The following GRM8 variants were observed in gnomAD, a reference collection of about 807,000 sequenced individuals.
The protein encoded by GRM8 is glutamate metabotropic receptor 8, also known as metabotropic glutamate receptor 8.
A neutral mutation model predicts 87.2 loss-of-function variants in GRM8; 47 were observed. The ratio of observed to expected loss-of-function variants is 0.54; its 90% CI spans 0.43 to 0.69. The LOEUF is 0.69. Ranked by LOEUF, GRM8 falls within the 30% of genes least tolerant of loss-of-function variation. The pLI, the probability that GRM8 is intolerant of heterozygous loss-of-function variation, is 0.00. For synonymous variants in GRM8, 396 were observed against 404.5 expected (o/e 0.98, Z 0.25); for missense variants, 1,019 against 1,139.2 (o/e 0.89, Z 1.52).
intron 6 of GRM8, among the ~76,000 whole-genome samples, chr7:126,829,589 T>C (rs1795154333): frequency 1.3e-5 from 2 of 151,866 alleles, no homozygotes; most frequent in South Asian, 4.2e-4. Flanking sequence ...TTTGAGCCTA[T>C]GTGTGTCACT....
intron 3 of GRM8, among the ~76,000 whole-genome samples, chr7:127,005,661 A>C (rs1009003512): frequency 6.6e-6 from 1 of 151,798 alleles, no homozygotes. Flanking sequence ...AGTTCACTGT[A>C]TACCTCTCCA....
intron 7 of GRM8, among the ~76,000 whole-genome samples, chr7:126,649,641 G>A (rs1803568872): frequency 6.6e-6 from 1 of 152,168 alleles, no homozygotes; most frequent in Non-Finnish European, 1.5e-5. Flanking sequence ...CTTCTAAGGT[G>A]AAGGATAAGT....
chr7:126,892,264 G>A (rs531844045), intron 6 of GRM8, among the ~76,000 whole-genome samples: 60 of 152,034 alleles, frequency 3.9e-4, no homozygotes, highest in Non-Finnish European at 6.9e-4. Flanking sequence ...TTTAGCATTA[G>A]GTATATCTCC....
At chr7:126,957,866 G>A (rs1808892843) in intron 3 of GRM8, among the ~76,000 whole-genome samples, 1 of 152,210 alleles carries the variant, frequency 6.6e-6, no homozygotes, top group Non-Finnish European at 1.5e-5. Flanking sequence ...CCGGGGGCAG[G>A]GCTGCCCATT....
intron 9 of GRM8, among the ~76,000 whole-genome samples, chr7:126,517,396 G>T (rs1812338551): frequency 6.6e-6 from 1 of 152,038 alleles, no homozygotes; most frequent in African/African-American, 2.4e-5. Context: ...GCTGAGCATT[G>T]TTTTTATCCC....
chr7:126,624,719 C>A (rs1271496830), intron 7 of GRM8, among the ~76,000 whole-genome samples: 1 of 68,510 alleles, frequency 1.5e-5, no homozygotes, highest in Non-Finnish European at 3.6e-5. Context: ...TAGGCATGGC[C>A]AAATTATTAG....
chr7:126,721,422 A>G (rs1475936736), intron 7 of GRM8, among the ~76,000 whole-genome samples: 1 of 152,192 alleles, frequency 6.6e-6, no homozygotes, highest in East Asian at 1.9e-4. Flanking sequence ...ATAATAATAC[A>G]TGCATCTAAA....
intron 9 of GRM8, among the ~76,000 whole-genome samples, chr7:126,515,856 C>T (rs906983576): frequency 2.0e-5 from 3 of 151,932 alleles, no homozygotes; most frequent in Admixed American, 6.6e-5. Flanking sequence ...ACTTTAATTC[C>T]TTTTTGACAT....
intron 3 of GRM8, among the ~76,000 whole-genome samples, chr7:126,973,733 T>C (rs1810670256): frequency 1.3e-5 from 2 of 152,210 alleles, no homozygotes; most frequent in South Asian, 2.1e-4. Context: ...GATACACCAT[T>C]ATTTTATGTA....
intron 7 of GRM8, among the ~76,000 whole-genome samples, chr7:126,703,804 C>T (rs914965257): frequency 5.3e-5 from 8 of 152,152 alleles, no homozygotes; most frequent in African/African-American, 1.7e-4. Context: ...TCAAGCAATC[C>T]TCCAGCCTTG....
chr7:127,127,866 CTTAAG>C (rs900137236), intron 2 of GRM8, among the ~76,000 whole-genome samples: 8 of 152,056 alleles, frequency 5.3e-5, no homozygotes, highest in Non-Finnish European at 1.0e-4. Flanking sequence ...ACAAGTCCTC[CTTAAG>C]TTATTTGAAA....
rs527846003 is a variant in GRM8 at position 127,215,458 on chromosome 7, G to A, written c.510+27237C>T. Among the ~76,000 whole-genome samples, 12 of 151,906 alleles carry A rather than the reference G, an allele frequency of 7.9e-5. No homozygotes were observed. The South Asian group carries it at 1.5e-3, about 18-fold the overall frequency. On this transcript the variant is annotated intron_variant, in intron 2 of 10. Coordinates refer to ENST00000339582, the MANE Select transcript of GRM8 (RefSeq NM_000845.3). ...TCAGTTCCGTTGACCTTGTAACAGC[G>A]CCCAAGTCCTCATCTCCCATTCCAC...
chr7:127,149,672 T>G (rs2133307792), intron 2 of GRM8, among the ~76,000 whole-genome samples: 1 of 152,200 alleles, frequency 6.6e-6, no homozygotes, highest in East Asian at 1.9e-4. Context: ...AAGTGTCAGC[T>G]AATGGACAGA....
intron 6 of GRM8, among the ~76,000 whole-genome samples, chr7:126,900,255 C>T (rs1801939152): frequency 6.6e-6 from 1 of 152,160 alleles, no homozygotes; most frequent in Admixed American, 6.5e-5. Context: ...CAAGTTTATT[C>T]CCAAACACCT....
At chr7:127,095,700 T>C (rs1824580919) in intron 3 of GRM8, 2 of 152,228 alleles carry the variant, frequency 1.3e-5, no homozygotes, top group Admixed American at 1.3e-4. Flanking sequence ...CCTGCTCCAC[T>C]GTCTCATGCC....
At chr7:126,464,733 T>C (rs573339778) in intron 9 of GRM8, among the ~76,000 whole-genome samples, 1 of 151,746 alleles carries the variant, frequency 6.6e-6, no homozygotes, top group Non-Finnish European at 1.5e-5. Context: ...GACAATGTAA[T>C]GCTTATTACA....
chr7:126,877,574 C>G (rs1586290395), intron 6 of GRM8, among the ~76,000 whole-genome samples: 1 of 151,062 alleles, frequency 6.6e-6, no homozygotes. Context: ...TTTCTCATCT[C>G]TACACTTTAG....
chr7:126,545,589 T>A (rs1002193494), intron 8 of GRM8, among the ~76,000 whole-genome samples: 10 of 152,194 alleles, frequency 6.6e-5, no homozygotes, highest in Non-Finnish European at 8.8e-5. Flanking sequence ...GTGAATAGTA[T>A]TTAAAAGTAC....
intron 3 of GRM8, among the ~76,000 whole-genome samples, chr7:127,015,235 GAAGAAGAAGAAGAAGAAGAAGAAGAA>G (rs1815506703): frequency 7.7e-6 from 1 of 129,164 alleles, no homozygotes; most frequent in Non-Finnish European, 1.6e-5. Context: ...AGAAGAAGAA[GAAGAAGAAGAAGAAGAAGAAGAAGAA>G]AAGAGAGAGA....
Sources: allele counts gnomAD v4.1 joint callset (sites outside exome capture counted in the v4.1 genomes callset), GRCh38; gene constraint gnomAD v4.1.1; transcripts MANE v1.5; gene names NCBI Gene and HGNC (gene_info 2026-07-23, HGNC 2026-07-21).